Variants in MROH7 observed in about 807,000 individuals in gnomAD.
MROH7 encodes the protein maestro heat-like repeat-containing protein family member 7.
Under a neutral mutation model 129.2 loss-of-function variants are expected in MROH7, and 113 were observed. That is an observed-to-expected ratio of 0.87 (90% confidence interval 0.75 to 1.02). The LOEUF (loss-of-function observed/expected upper bound fraction) is 1.02, where lower values mean the gene tolerates loss of function less well. Ranked by LOEUF, MROH7 falls within the 50% of genes least tolerant of loss-of-function variation. The pLI is 0.00. For missense variants in MROH7, 1,601 were observed against 1,671.3 expected, an observed-to-expected ratio of 0.96 and a Z score of 0.73; for synonymous variants, 655 against 667.9, an observed-to-expected ratio of 0.98 and a Z score of 0.30.
chr1:54,663,685 T>TAAAAA, intron 3 of MROH7: 14 of 276,382 alleles, frequency 5.1e-5, no homozygotes, highest in Admixed American at 1.0e-4. Flanking sequence ...CCATCAGCTC[T>TAAAAA]AAAAAAAAAA....
In MROH7 at chr1:54,703,546, T is replaced by G. The variant is rs1452749447; in HGVS notation, c.3564+801T>G. The stretch of plus-strand genomic sequence containing the variant: ...GGAAATGTGTTCATGGTTCTTCATA[T>G]AATAGTTTCCCAAACTTATTTAACC... On this transcript the variant is annotated intron_variant, in intron 21 of 23. Coordinates refer to ENST00000421030, the MANE Select transcript of MROH7 (RefSeq NM_001039464.4). This position sits in a 1 kb window ranked among gnomAD's most constrained non-coding sequence, Gnocchi z 4.4. Among the ~76,000 whole-genome samples, 2 of 152,016 alleles carry G rather than the reference T, an allele frequency of 1.3e-5. No homozygotes were observed. Among genetic ancestry groups the G allele is most frequent in the Non-Finnish European group, 2.9e-5 (2 of 68,018 alleles).
chr1:54,704,418 G>A (rs1380433089), intron 21 of MROH7, among the ~76,000 whole-genome samples: 1 of 146,388 alleles, frequency 6.8e-6, no homozygotes, highest in Non-Finnish European at 1.5e-5. Context: ...CATGAGAAAA[G>A]CTAGAAACCT....
intron 3 of MROH7, among the ~76,000 whole-genome samples, chr1:54,664,699 A>G (rs1277156169): frequency 6.6e-6 from 1 of 152,224 alleles, no homozygotes; most frequent in Non-Finnish European, 1.5e-5. Context: ...AGGGGGTGAC[A>G]TGAGCTGATG....
chr1:54,646,827 C>A (rs1327012007), intron 1 of MROH7, among the ~76,000 whole-genome samples: 9 of 152,196 alleles, frequency 5.9e-5, no homozygotes, highest in African/African-American at 1.9e-4. Context: ...CTCTCTCTGT[C>A]CTGCTTTAAT....
chr1:54,686,864 C>G (rs1645156140), intron 15 of MROH7, among the ~76,000 whole-genome samples: 1 of 152,150 alleles, frequency 6.6e-6, no homozygotes, highest in Non-Finnish European at 1.5e-5. Flanking sequence ...GTCCTTACCC[C>G]AGTTATGTTC....
intron 2 of MROH7, 54 bp from the exon 3 acceptor site, chr1:54,652,799 G>A (rs1644577096): frequency 8.5e-6 from 11 of 1,300,232 alleles, no homozygotes; most frequent in Non-Finnish European, 1.2e-5. Context: ...TGGGAGCCCT[G>A]GAAAAGCCTT....
intron 4 of MROH7, chr1:54,665,521 A>G (rs1465465605): frequency 1.5e-5 from 4 of 273,610 alleles, no homozygotes; most frequent in Non-Finnish European, 2.1e-5. Flanking sequence ...CACATAATAG[A>G]TGCTCAATAA....
In MROH7 at chr1:54,702,189, A is replaced by G; in HGVS notation, c.3385A>G (p.Ser1129Gly). 6.2e-7 allele frequency: 1 copy of G among 1,601,488 alleles called. No homozygotes were observed. The highest frequency in any genetic ancestry group is 8.5e-7 in the Non-Finnish European group (1 of 1,174,636). Residue 1129 changes from serine (S) to glycine (G), a missense_variant, in exon 20 of 24, where the codon AGC becomes GGC. Coordinates refer to ENST00000421030, the MANE Select transcript of MROH7 (RefSeq NM_001039464.4). ...RTQAMEEQLV[S>G]TLVPLLLTMQ... ...TCAGGCCATGGAGGAGCAGCTGGTC[A>G]GCACCTTGGTGCCCCTACTGCTGAC... is the stretch of plus-strand genomic sequence containing the variant.
intron 17 of MROH7, 49 bp from the exon 18 acceptor site, chr1:54,700,272 C>T (rs1276947815): frequency 6.2e-7 from 1 of 1,612,286 alleles, no homozygotes; most frequent in African/African-American, 1.3e-5. Flanking sequence ...GGCCAGGGGG[C>T]TGCCCTGCCC....
intron 15 of MROH7, among the ~76,000 whole-genome samples, chr1:54,690,789 T>C (rs1645224618): frequency 1.3e-5 from 2 of 152,218 alleles, no homozygotes; most frequent in Admixed American, 6.5e-5. Flanking sequence ...GCAACACAAA[T>C]GAGGACTGGG....
At chr1:54,707,164 C>T (rs1645547497) in intron 22 of MROH7, among the ~76,000 whole-genome samples, 1 of 152,084 alleles carries the variant, frequency 6.6e-6, no homozygotes, top group African/African-American at 2.4e-5. Flanking sequence ...CAAAAACAAA[C>T]AGCACATTCC....
At chr1:54,679,031 C>T (rs1446311405) in intron 11 of MROH7, among the ~76,000 whole-genome samples, 177 bp downstream of exon 11, 1 of 152,228 alleles carries the variant, frequency 6.6e-6, no homozygotes, top group Non-Finnish European at 1.5e-5. Context: ...GCATGGACTT[C>T]CTTCTCCCTT....
intron 1 of MROH7, among the ~76,000 whole-genome samples, chr1:54,645,566 C>T (rs543457237): frequency 6.6e-6 from 1 of 152,126 alleles, no homozygotes; most frequent in South Asian, 2.1e-4. Context: ...CAGGTGTGAG[C>T]CACCGTGTTA....
intron 20 of MROH7, 46 bp downstream of exon 20, chr1:54,702,291 T>C: frequency 7.3e-7 from 1 of 1,369,198 alleles, no homozygotes; most frequent in Middle Eastern, 2.8e-4. Flanking sequence ...CCTCGGGTCC[T>C]GTGGGCGCAC....
intron 8 of MROH7, 60 bp from the exon 9 acceptor site, chr1:54,673,641 A>G (rs1644936161): frequency 7.5e-7 from 1 of 1,327,484 alleles, no homozygotes; most frequent in Non-Finnish European, 1.1e-6. Flanking sequence ...TGGCCTGTCC[A>G]CCCAGCAGCA....
intron 8 of MROH7, among the ~76,000 whole-genome samples, 167 bp from the exon 9 acceptor site, chr1:54,673,534 A>G (rs950214201): frequency 1.3e-5 from 2 of 151,998 alleles, no homozygotes; most frequent in African/African-American, 4.8e-5. Flanking sequence ...TGTCAGTCCT[A>G]TTCTGAACTC....
chr1:54,692,673 T>A, intron 16 of MROH7, 112 bp downstream of exon 16: 5 of 1,074,232 alleles, frequency 4.7e-6, no homozygotes, highest in Non-Finnish European at 5.2e-6. Flanking sequence ...CTTTGCTCAG[T>A]CTGTCACCTC....
intron 10 of MROH7, among the ~76,000 whole-genome samples, chr1:54,675,944 T>A (rs181970896): frequency 1.4e-3 from 218 of 152,006 alleles, no homozygotes; most frequent in African/African-American, 5.1e-3. Context: ...CCGAGGCAGC[T>A]CATTTAAAAA....
intron 22 of MROH7, among the ~76,000 whole-genome samples, chr1:54,706,941 C>T (rs543537305): frequency 2.0e-5 from 3 of 152,156 alleles, no homozygotes; most frequent in Admixed American, 1.3e-4. Flanking sequence ...TCCTGTGTCA[C>T]CCTAACTGGA....
Sources: gnomAD v4.1 joint callset for allele counts (sites outside exome capture counted in the v4.1 genomes callset) on GRCh38, gnomAD v4.1.1 for gene constraint, Gnocchi (gnomAD v3.1) non-coding constraint, MANE v1.5 for transcripts, NCBI Gene and HGNC (gene_info 2026-07-23, HGNC 2026-07-21) for gene names.